The following TRPC7 variants were observed in gnomAD, a reference collection of about 807,000 sequenced individuals.
TRPC7 encodes the protein short transient receptor potential channel 7.
TRPC7 carries 42 observed loss-of-function variants against 90.1 expected under a neutral mutation model. The observed-to-expected ratio is 0.47, with a 90% CI of 0.36 to 0.60. TRPC7 has a LOEUF of 0.60. Ranked by LOEUF, TRPC7 falls within the 20% of genes least tolerant of loss-of-function variation. The pLI is 0.00. For synonymous variants in TRPC7, 451 were observed against 436.3 expected, an observed-to-expected ratio of 1.03 and a Z score of -0.42; for missense variants, 955 against 1,112.3, an observed-to-expected ratio of 0.86 and a Z score of 2.01.
rs764608766 is a variant in TRPC7 at position 136,251,650 on chromosome 5, G to A, written c.1578C>T (p.Tyr526=). The stretch of plus-strand genomic sequence containing the variant: ...TAGGGGAAGCACTCTCCGACTCACC[G>A]TAGGTGAAGTATGCCACTTCCGGCG... ...SLPPEVAYFT[Y]ARDKWWPSDP... is the part of the protein sequence containing the mutation. The change falls in exon 6 of 12, where the codon TAC becomes TAT. Residue 526 remains tyrosine (Y), a splice_region_variant and synonymous_variant. Coordinates refer to ENST00000513104, the MANE Select transcript of TRPC7 (RefSeq NM_020389.3). 2.5e-5 allele frequency: 40 copies of A among 1,600,940 alleles called. No individual in the cohort carries two copies. The East Asian group carries it at 7.7e-4, about 31-fold the overall frequency.
At chr5:136,315,045 C>A (rs1286352786) in intron 3 of TRPC7, among the ~76,000 whole-genome samples, 1 of 152,172 alleles carries the variant, frequency 6.6e-6, no homozygotes, top group Admixed American at 6.5e-5. Flanking sequence ...GAGGAGGTGG[C>A]ATGAGTTTAC....
rs756538467 is a variant in TRPC7 at position 136,216,246 on chromosome 5, G to A, written c.2373C>T (p.Tyr791=). The change falls in exon 11 of 12, where the codon TAC becomes TAT. Residue 791 remains tyrosine (Y), a synonymous_variant. Coordinates refer to ENST00000513104, the MANE Select transcript of TRPC7 (RefSeq NM_020389.3). ...QKIMKRLIKR[Y]VLKAQVDREN... The stretch of plus-strand genomic sequence containing the variant: ...CTCTGTCCACCTGGGCTTTCAGGAC[G>A]TATCTTTTTATGAGCCGTTTCATGA... 3.5e-5 allele frequency: 57 copies of A among 1,613,210 alleles called. No homozygotes were observed. Among genetic ancestry groups the A allele is most frequent in the South Asian group, 7.7e-5 (7 of 90,834 alleles).
intron 11 of TRPC7, among the ~76,000 whole-genome samples, chr5:136,215,686 G>A (rs556265694): frequency 5.8e-4 from 89 of 152,228 alleles, no homozygotes; most frequent in African/African-American, 1.9e-3. Context: ...AGCTGGGCGT[G>A]GTGGCACACA....
intron 7 of TRPC7, among the ~76,000 whole-genome samples, chr5:136,239,677 A>G (rs1756095608): frequency 6.6e-6 from 1 of 152,122 alleles, no homozygotes; most frequent in South Asian, 2.1e-4. Flanking sequence ...CTGCTTCTCC[A>G]TCCCACTATT....
At chr5:136,275,403 C>A (rs1047969401) in intron 3 of TRPC7, among the ~76,000 whole-genome samples, 1 of 151,876 alleles carries the variant, frequency 6.6e-6, no homozygotes, top group African/African-American at 2.4e-5. Flanking sequence ...AAAATCCCCT[C>A]TCTTTACCTA....
chr5:136,253,158 G>A (rs1457364011), intron 5 of TRPC7, among the ~76,000 whole-genome samples: 1 of 152,146 alleles, frequency 6.6e-6, no homozygotes, highest in Non-Finnish European at 1.5e-5. Flanking sequence ...GGATATGATA[G>A]GTTAAGTATG....
intron 2 of TRPC7, among the ~76,000 whole-genome samples, chr5:136,327,837 T>C (rs758697004): frequency 6.6e-6 from 1 of 152,210 alleles, no homozygotes; most frequent in Non-Finnish European, 1.5e-5. Context: ...GTTTTCTTTC[T>C]GCACATCCCC....
chr5:136,299,004 TA>T (rs540798862), intron 3 of TRPC7, among the ~76,000 whole-genome samples: 36 of 149,312 alleles, frequency 2.4e-4, no homozygotes, highest in East Asian at 1.4e-3. Flanking sequence ...TCTGATTACT[TA>T]AAAAAAAAAT....
At chr5:136,362,773 TG>T (rs1760608892) in intron 1 of TRPC7, among the ~76,000 whole-genome samples, 1 of 152,166 alleles carries the variant, frequency 6.6e-6, no homozygotes, top group Admixed American at 6.5e-5. Flanking sequence ...TTTTGTTTTT[TG>T]TTTTTCTGAG....
intron 2 of TRPC7, among the ~76,000 whole-genome samples, chr5:136,338,291 T>G (rs968879501): frequency 6.6e-6 from 1 of 152,242 alleles, no homozygotes; most frequent in Non-Finnish European, 1.5e-5. Flanking sequence ...TAGAATATGT[T>G]CACACCATTC....
At chr5:136,225,225 T>A (rs942435406) in intron 10 of TRPC7, 49 bp downstream of exon 10, 19 of 1,533,784 alleles carry the variant, frequency 1.2e-5, no homozygotes, top group African/African-American at 1.4e-5. Flanking sequence ...TGTGTCTTAG[T>A]GGAGTCTACT....
At position 136,213,213 on chromosome 5, in the gene TRPC7, A is replaced by C. The variant is rs1216531345; in HGVS notation, c.*222T>G. On this transcript the variant is annotated 3_prime_UTR_variant, in exon 12 of 12. Transcript: ENST00000513104. ...AGGGGGCTGTTCCTCCCCTCCTCCCATGGTAGCTTTTCTTACCCAACCACC... is the reference window on the plus strand; with the variant it reads ...AGGGGGCTGTTCCTCCCCTCCTCCCCTGGTAGCTTTTCTTACCCAACCACC... 3.3e-5 allele frequency: 18 copies of C among 550,866 alleles called. No homozygotes were observed. Among genetic ancestry groups the C allele is most frequent in the Non-Finnish European group, 5.2e-5 (16 of 309,950 alleles). 34.1% of individuals were successfully genotyped at this position (550,866 alleles called of 1,614,324 possible).
In TRPC7 at chr5:136,337,870, A is replaced by G. The variant is rs144129139; in HGVS notation, c.780+18738T>C. The stretch of plus-strand genomic sequence containing the variant: ...GCCCAAACCACTGTTTTCAAAGAGT[A>G]TGTAGAAGAAGCTGGGAGAGCTATT... On this transcript the variant is annotated intron_variant, in intron 2 of 11. Coordinates refer to ENST00000513104, the MANE Select transcript of TRPC7 (RefSeq NM_020389.3). Among the ~76,000 whole-genome samples the G allele has an allele frequency of 1.2e-4, 19 of 152,304 alleles. No homozygotes were observed. In the East Asian group the frequency reaches 3.7e-3, roughly 29 times the overall value.
At chr5:136,333,615 G>A (rs1759566417) in intron 2 of TRPC7, among the ~76,000 whole-genome samples, 1 of 152,174 alleles carries the variant, frequency 6.6e-6, no homozygotes, top group South Asian at 2.1e-4. Context: ...TCATGGCCTG[G>A]AGGCAGAAGG....
Position 136,231,443 on chromosome 5 carries a change from C to T in TRPC7, c.1951G>A (p.Val651Ile), listed in dbSNP as rs372192731. ...GTGACGTTATAAACGCCGTAGAGAA[C>T]GTAGCCAATGTTCTCGATGAATTTG... ...DHKFIENIGY[V>I]LYGVYNVTMV... Residue 651 changes from valine (V) to isoleucine (I), a missense_variant, in exon 8 of 12, where the codon GTT becomes ATT. This residue lies in a region of TRPC7 where 296 missense variants were observed against 422.7 expected (regional missense o/e 0.70). Transcript: ENST00000513104. The T allele has an allele frequency of 9.3e-6, 15 of 1,612,878 alleles. No individual in the cohort carries two copies. Among genetic ancestry groups the T allele is most frequent in the Admixed American group, 8.3e-5 (5 of 59,898 alleles).
At chr5:136,282,647 A>C (rs545578478) in intron 3 of TRPC7, among the ~76,000 whole-genome samples, 1 of 152,238 alleles carries the variant, frequency 6.6e-6, no homozygotes. Context: ...AAAGTTATAA[A>C]TATTCTTAAT....
At chr5:136,324,071 T>C (rs994185229) in intron 2 of TRPC7, among the ~76,000 whole-genome samples, 2 of 152,194 alleles carry the variant, frequency 1.3e-5, no homozygotes. Flanking sequence ...TTTTCAGCTA[T>C]TGGAAATATT....
At chr5:136,308,437 T>C (rs1758716863) in intron 3 of TRPC7, among the ~76,000 whole-genome samples, 2 of 152,160 alleles carry the variant, frequency 1.3e-5, no homozygotes, top group South Asian at 4.1e-4. Flanking sequence ...ACTCTGATCT[T>C]CTTAAGTCTG....
rs569517542 is a variant in TRPC7, at chr5:136,351,292, C to G, written c.780+5316G>C. On this transcript the variant is annotated intron_variant, in intron 2 of 11. Coordinates refer to ENST00000513104, the MANE Select transcript of TRPC7 (RefSeq NM_020389.3). ...GGCACACATCACACACATAAAACTT[C>G]CCTTTAAGACCTGCAGCCTTCATAG... Among the ~76,000 whole-genome samples, 20 of 152,260 alleles carry G rather than the reference C, an allele frequency of 1.3e-4. No individual in the cohort carries two copies. In the South Asian group the frequency reaches 3.9e-3, roughly 30 times the overall value.
Sources: gnomAD v4.1 joint callset for allele counts (sites outside exome capture counted in the v4.1 genomes callset) on GRCh38, gnomAD v4.1.1 for gene constraint, gnomAD v4.1.1 regional missense constraint, MANE v1.5 for transcripts, NCBI Gene and HGNC (gene_info 2026-07-23, HGNC 2026-07-21) for gene names.